Variants in ANKFN1 observed in about 807,000 individuals in gnomAD.
ANKFN1 encodes ankyrin repeat and fibronectin type-III domain-containing protein 1.
Under a neutral mutation model 108.7 loss-of-function variants are expected in ANKFN1, and 74 were observed. The observed-to-expected ratio is 0.68, with a 90% confidence interval of 0.56 to 0.83. The LOEUF (loss-of-function observed/expected upper bound fraction) is 0.83. ANKFN1 is among the 40% of genes least tolerant of loss of function. The pLI, the probability that ANKFN1 is intolerant of heterozygous loss-of-function variation, is 0.00. For missense variants in ANKFN1, 1,505 were observed against 1,382.3 expected (o/e 1.09, Z -1.41); for synonymous variants, 547 against 516.2 (o/e 1.06, Z -0.81).
At chr17:56,305,361 C>T (rs983872529) in intron 3 of ANKFN1, among the ~76,000 whole-genome samples, 1 of 152,200 alleles carries the variant, frequency 6.6e-6, no homozygotes, top group African/African-American at 2.4e-5. Context: ...TTTTTTCTCA[C>T]TCTGCAGCTT....
chr17:56,156,293 G>A (rs1909109798), intron 1 of ANKFN1, among the ~76,000 whole-genome samples: 2 of 151,940 alleles, frequency 1.3e-5, no homozygotes, highest in Non-Finnish European at 2.9e-5. Flanking sequence ...TCACTATGTT[G>A]GCCAGACTTG....
intron 8 of ANKFN1, among the ~76,000 whole-genome samples, chr17:56,435,225 G>T (rs996144163): frequency 6.6e-6 from 1 of 152,108 alleles, no homozygotes; most frequent in African/African-American, 2.4e-5. Flanking sequence ...CCAAAGTCAA[G>T]AATCAAGTAT....
At position 56,172,820 on chromosome 17, in the gene ANKFN1, GGTC is replaced by G. The variant is rs1356698878; in HGVS notation, c.-71+19291_-71+19293del. On this transcript the variant is annotated intron_variant, in intron 1 of 20. Coordinates refer to ENST00000682825, the MANE Select transcript of ANKFN1 (RefSeq NM_001370326.1). ...GCACTACCTGACAACTGATACTACC[GGTC>G]AGGCAAGGCCCATTTCAGGAAGTCC... Among the ~76,000 whole-genome samples, 11 of 152,252 alleles carry G rather than the reference GGTC, an allele frequency of 7.2e-5. 1 individual carries two copies. The East Asian group carries it at 1.2e-3, about 16-fold the overall frequency.
At chr17:56,051,486 G>A in intron 4 of ANKFN1, among the ~76,000 whole-genome samples, 3 of 128,334 alleles carry the variant, frequency 2.3e-5, no homozygotes, top group African/African-American at 9.3e-5. Context: ...AAAACTGGAA[G>A]CATTCCCTTT....
At chr17:56,141,079 C>T (rs116698096) in intron 4 of ANKFN1, among the ~76,000 whole-genome samples, 1,646 of 152,288 alleles carry the variant, frequency 0.011, 26 homozygotes, top group African/African-American at 0.037. Flanking sequence ...TTCTCAATCT[C>T]ACCATCTCTG....
intron 4 of ANKFN1, among the ~76,000 whole-genome samples, chr17:56,054,035 C>T (rs796722300): frequency 6.6e-6 from 1 of 151,970 alleles, no homozygotes; most frequent in African/African-American, 2.4e-5. Context: ...CTCTGAAGTC[C>T]GTTATATCAC....
chr17:56,232,427 C>G (rs1916808401), intron 3 of ANKFN1, among the ~76,000 whole-genome samples: 1 of 152,020 alleles, frequency 6.6e-6, no homozygotes, highest in Non-Finnish European at 1.5e-5. Flanking sequence ...AATCTAAAAC[C>G]CCTAGATACA....
intron 3 of ANKFN1, among the ~76,000 whole-genome samples, chr17:56,299,213 G>C (rs2044602945): frequency 6.6e-6 from 1 of 152,084 alleles, no homozygotes; most frequent in Non-Finnish European, 1.5e-5. Context: ...GTTTTTTGTT[G>C]TGGTGGCTGA....
chr17:56,443,977 ATC>A (rs908554937), intron 10 of ANKFN1, among the ~76,000 whole-genome samples: 11 of 152,216 alleles, frequency 7.2e-5, no homozygotes, highest in African/African-American at 2.7e-4. Context: ...CCTTAAGAAA[ATC>A]TGTTTCTTTT....
At chr17:56,212,954 C>A (rs962050696) in intron 2 of ANKFN1, among the ~76,000 whole-genome samples, 1 of 152,202 alleles carries the variant, frequency 6.6e-6, no homozygotes, top group Non-Finnish European at 1.5e-5. Flanking sequence ...CCCATTCATG[C>A]TAAAGCTGTT....
chr17:56,270,257 A>G (rs1483326216), intron 3 of ANKFN1, among the ~76,000 whole-genome samples: 1 of 152,116 alleles, frequency 6.6e-6, no homozygotes, highest in Non-Finnish European at 1.5e-5. Context: ...GGCTTCACAA[A>G]GGGAGCCTGA....
intron 14 of ANKFN1, among the ~76,000 whole-genome samples, chr17:56,463,432 T>C (rs1305234169): frequency 6.6e-6 from 1 of 152,154 alleles, no homozygotes; most frequent in Non-Finnish European, 1.5e-5. Context: ...ATTATTCATA[T>C]TATAGTAAAA....
At chr17:56,384,231 G>C (rs528077350) in intron 8 of ANKFN1, among the ~76,000 whole-genome samples, 1 of 152,110 alleles carries the variant, frequency 6.6e-6, no homozygotes, top group African/African-American at 2.4e-5. Flanking sequence ...CGAAAACCAC[G>C]TGATTATCTC....
intron 15 of ANKFN1, among the ~76,000 whole-genome samples, chr17:56,477,040 C>T (rs1175425071): frequency 1.3e-5 from 2 of 152,120 alleles, no homozygotes; most frequent in Admixed American, 6.5e-5. Context: ...TTTTCTTAAA[C>T]GACTTTTCCA....
intron 4 of ANKFN1, among the ~76,000 whole-genome samples, chr17:56,055,465 C>A: frequency 7.0e-6 from 1 of 142,414 alleles, no homozygotes; most frequent in African/African-American, 2.6e-5. Context: ...GTGTATTATT[C>A]CATTATGTCT....
At chr17:56,241,097 C>T (rs1309920652) in intron 3 of ANKFN1, among the ~76,000 whole-genome samples, 2 of 151,862 alleles carry the variant, frequency 1.3e-5, no homozygotes, top group Admixed American at 1.3e-4. Flanking sequence ...TGCTTCTGTA[C>T]ACTGTTATGT....
chr17:56,509,668 A>G (rs2145490530), intron 20 of ANKFN1, among the ~76,000 whole-genome samples: 1 of 152,362 alleles, frequency 6.6e-6, no homozygotes, highest in Middle Eastern at 3.4e-3. Context: ...CTGGGTAACA[A>G]CAAGGAGTGA....
chr17:56,147,668 C>T (rs1431412877), intron 4 of ANKFN1, among the ~76,000 whole-genome samples: 1 of 152,210 alleles, frequency 6.6e-6, no homozygotes, highest in African/African-American at 2.4e-5. Context: ...AACTACAATT[C>T]AAGATGAGAT....
chr17:56,370,274 C>T (rs1455121817), intron 6 of ANKFN1, among the ~76,000 whole-genome samples: 1 of 152,104 alleles, frequency 6.6e-6, no homozygotes, highest in Non-Finnish European at 1.5e-5. Context: ...ACTCAAATTG[C>T]ATCTAAAGCC....
Sources: allele counts gnomAD v4.1 joint callset (sites outside exome capture counted in the v4.1 genomes callset), GRCh38; gene constraint gnomAD v4.1.1; transcripts MANE v1.5; gene names NCBI Gene and HGNC (gene_info 2026-07-23, HGNC 2026-07-21).